The following DYSF variants were observed in gnomAD, a reference collection of about 807,000 sequenced individuals.
The protein encoded by DYSF is dystrophy-associated fer-1-like 1.
Under a neutral mutation model 274.9 loss-of-function variants are expected in DYSF, and 212 were observed. That is an observed-to-expected ratio of 0.77 (90% CI 0.69 to 0.86). The LOEUF is 0.86. Among genes scored for constraint, DYSF ranks in the 40% least tolerant of loss-of-function variants. The pLI is 0.00. For synonymous variants in DYSF, 1,091 were observed against 1,078.7 expected (o/e 1.01, Z -0.22); for missense variants, 2,666 against 2,783.2 (o/e 0.96, Z 0.95).
At position 71,583,226 on chromosome 2, in the gene DYSF, C is replaced by T. The variant is rs566484421; in HGVS notation, c.3403-6367C>T. Among the ~76,000 whole-genome samples, 15 of 152,282 alleles carry T rather than the reference C, an allele frequency of 9.9e-5. No homozygotes were observed. In the South Asian group the frequency reaches 2.5e-3, roughly 25 times the overall value. On this transcript the variant is annotated intron_variant, in intron 30 of 55. Transcript: ENST00000410020. Reference sequence around the variant, plus strand: ...ATAATCTGCTCTCGTGAACCACATGCGCTCACTCCAGCACCTGCTGCTCTG... The same window carrying T: ...ATAATCTGCTCTCGTGAACCACATGTGCTCACTCCAGCACCTGCTGCTCTG...
At chr2:71,614,553 C>A (rs2093841012) in intron 40 of DYSF, among the ~76,000 whole-genome samples, 2 of 152,216 alleles carry the variant, frequency 1.3e-5, no homozygotes, top group Non-Finnish European at 2.9e-5. Flanking sequence ...TTGGGGGAGT[C>A]TTTCCTGGCT....
intron 16 of DYSF, among the ~76,000 whole-genome samples, chr2:71,538,708 A>G (rs1308466886): frequency 6.6e-6 from 1 of 152,198 alleles, no homozygotes; most frequent in Non-Finnish European, 1.5e-5. Context: ...CCTTGGAGAT[A>G]GTTTCTTCCT....
intron 12 of DYSF, among the ~76,000 whole-genome samples, chr2:71,525,986 A>G (rs1370945563): frequency 1.3e-5 from 2 of 152,148 alleles, no homozygotes; most frequent in African/African-American, 2.4e-5. Context: ...ATTACTGGAG[A>G]TGTTCCTCGC....
At chr2:71,618,568 T>TGTGGGGTAGAGTTGTGTGTGTG (rs2093996474) in intron 40 of DYSF, among the ~76,000 whole-genome samples, 4 of 17,526 alleles carry the variant, frequency 2.3e-4, no homozygotes, top group Admixed American at 1.1e-3. Flanking sequence ...GAGTGTGTGT[T>TGTGGGGTAGAGTTGTGTGTGTG]TGTGTGGGGT....
At chr2:71,577,545 C>G (rs530667932) in intron 30 of DYSF, among the ~76,000 whole-genome samples, 63 of 151,368 alleles carry the variant, frequency 4.2e-4, no homozygotes, top group Admixed American at 1.4e-3. Context: ...CACACTAACA[C>G]GTACACAATC....
intron 23 of DYSF, among the ~76,000 whole-genome samples, chr2:71,562,517 G>T (rs1302135024): frequency 1.3e-5 from 2 of 152,190 alleles, no homozygotes; most frequent in African/African-American, 4.8e-5. Context: ...TGAGGTCTCT[G>T]TGGCCAGATG....
At chr2:71,631,099 A>G (rs1177171141) in intron 41 of DYSF, among the ~76,000 whole-genome samples, 3 of 152,194 alleles carry the variant, frequency 2.0e-5, no homozygotes, top group African/African-American at 7.2e-5. Context: ...TACTGACAAC[A>G]ATTTATTCCA....
rs2152858959 is a variant in DYSF at position 71,600,824 on chromosome 2, G to A, written c.3879G>A (p.Glu1293=). 3 of 1,612,246 alleles carry A rather than the reference G, an allele frequency of 1.9e-6. No individual in the cohort carries two copies. The highest frequency in any genetic ancestry group is 1.7e-5 in the Admixed American group (1 of 60,020). ...QPSGELLASF[E]LIQREKPAIH... ...CGGGGGAGCTGCTGGCCTCTTTTGA[G>A]CTCATCCAGAGAGAGAAGGTGAGGC... Residue 1293 remains glutamate (E), a synonymous_variant, in exon 34 of 56, where the codon GAG becomes GAA. Coordinates refer to ENST00000410020, the MANE Select transcript of DYSF (RefSeq NM_001130987.2).
chr2:71,530,387 T>G (rs115270874), intron 14 of DYSF, among the ~76,000 whole-genome samples: 2,517 of 152,304 alleles, frequency 0.017, 38 homozygotes, highest in Admixed American at 0.023. Context: ...GCCTCAGAGC[T>G]CCGGGGCTCC....
At chr2:71,536,881 G>C (rs1347806601) in intron 16 of DYSF, among the ~76,000 whole-genome samples, 2 of 152,062 alleles carry the variant, frequency 1.3e-5, no homozygotes, top group African/African-American at 4.8e-5. Context: ...CCTGAATCCT[G>C]GAAATAGGAT....
intron 54 of DYSF, among the ~76,000 whole-genome samples, chr2:71,681,640 A>G (rs1480177092): frequency 5.3e-5 from 8 of 152,126 alleles, no homozygotes; most frequent in Admixed American, 4.6e-4. Flanking sequence ...GGGGAGCCCA[A>G]TCCCTGTCTT....
intron 22 of DYSF, among the ~76,000 whole-genome samples, chr2:71,559,799 T>C (rs2091601685): frequency 6.6e-6 from 1 of 152,220 alleles, no homozygotes; most frequent in Admixed American, 6.5e-5. Context: ...TGCGTCTCTG[T>C]TCTGCGGACT....
chr2:71,581,367 C>A lies in DYSF; in HGVS notation c.3402+6996C>A, dbSNP rs141979704. Among the ~76,000 whole-genome samples, 378 of 152,344 alleles carry A rather than the reference C, an allele frequency of 2.5e-3. 5 individuals carry two copies. The highest frequency in any genetic ancestry group is 0.015 in the East Asian group (80 of 5,184). ...CAGCTGTAAATTAAATGGGGTTGCACTCTCGCCTGCTATTCCACTTAAGGT... is the reference window on the plus strand; with the variant it reads ...CAGCTGTAAATTAAATGGGGTTGCAATCTCGCCTGCTATTCCACTTAAGGT... On this transcript the variant is annotated intron_variant, in intron 30 of 55. Transcript: ENST00000410020.
rs535491988 is a variant in DYSF, at chr2:71,535,115, C to T, written c.1449+26C>T. On this transcript the variant is annotated intron_variant, in intron 15 of 55. Coordinates refer to ENST00000410020, the MANE Select transcript of DYSF (RefSeq NM_001130987.2). Reference sequence around the variant, plus strand: ...GTGAGCCTCCTGCCCCCAGCAAACCCAAGGAGGCCCCTGGGGCTCTGGGCT... The same window carrying T: ...GTGAGCCTCCTGCCCCCAGCAAACCTAAGGAGGCCCCTGGGGCTCTGGGCT... 5.6e-5 allele frequency: 91 copies of T among 1,613,728 alleles called. 2 individuals carry two copies. In the South Asian group the frequency reaches 9.0e-4, roughly 16 times the overall value.
At chr2:71,453,907 A>G in exon 1 of DYSF, 1 of 1,298,266 alleles carries the variant, frequency 7.7e-7, no homozygotes. Context: ...AGCCCTCTCC[A>G]GCGAGGGGAC....
chr2:71,579,125 C>T (rs937403583), intron 30 of DYSF, among the ~76,000 whole-genome samples: 2 of 152,154 alleles, frequency 1.3e-5, no homozygotes, highest in South Asian at 2.1e-4. Context: ...CAGCCACCAC[C>T]GCCGCCTCCC....
At chr2:71,461,955 G>T (rs909488945), upstream of DYSF, among the ~76,000 whole-genome samples, 4 of 152,192 alleles carry the variant, frequency 2.6e-5, no homozygotes, top group Non-Finnish European at 5.9e-5. Flanking sequence ...CACTTAACTG[G>T]TGTCCAGAGA....
chr2:71,590,431 C>T (rs1029604141), intron 32 of DYSF, 143 bp downstream of exon 32: 8 of 870,682 alleles, frequency 9.2e-6, no homozygotes, highest in African/African-American at 8.2e-5. Flanking sequence ...GCTTCTTGGT[C>T]GTCAGGTGCA....
At chr2:71,467,615 C>A (rs985414820) in intron 1 of DYSF, among the ~76,000 whole-genome samples, 3 of 152,114 alleles carry the variant, frequency 2.0e-5, no homozygotes, top group Non-Finnish European at 4.4e-5. Context: ...TCCCCCAACC[C>A]CTCCAAGGCA....
Sources: allele counts gnomAD v4.1 joint callset (sites outside exome capture counted in the v4.1 genomes callset), GRCh38; gene constraint gnomAD v4.1.1; transcripts MANE v1.5; gene names NCBI Gene and HGNC (gene_info 2026-07-23, HGNC 2026-07-21).